FLRT2: variants seen among roughly 807,000 people sequenced by gnomAD.
FLRT2 encodes fibronectin leucine rich transmembrane protein 2, also known as leucine-rich repeat transmembrane protein FLRT2.
In FLRT2, 15 loss-of-function variants were observed where a neutral mutation model predicts 40.0. The ratio of observed to expected loss-of-function variants is 0.38; its 90% CI spans 0.25 to 0.58. The LOEUF (loss-of-function observed/expected upper bound fraction) is 0.58, where lower values mean the gene tolerates loss of function less well. Ranked by LOEUF, FLRT2 falls within the 20% of genes least tolerant of loss-of-function variation. The pLI, the probability that FLRT2 is intolerant of heterozygous loss-of-function variation, is 0.71. For missense variants in FLRT2, 726 were observed against 840.0 expected (o/e 0.86, Z 1.68); for synonymous variants, 380 against 336.8 (o/e 1.13, Z -1.41).
At chr14:85,548,009 T>C (rs1183412318) in intron 1 of FLRT2, among the ~76,000 whole-genome samples, 1 of 152,218 alleles carries the variant, frequency 6.6e-6, no homozygotes, top group Non-Finnish European at 1.5e-5. Context: ...GAGTGGTGAC[T>C]GAATAGAATG....
rs1375244464 is a variant in FLRT2 at position 85,622,097 on chromosome 14, A to T, written c.583A>T (p.Ile195Leu). The change falls in exon 2 of 2, where the codon ATA (isoleucine) becomes TTA (leucine). Residue 195 changes from isoleucine to leucine, a missense_variant. Transcript: ENST00000330753. Reference protein sequence around the residue: ...LRVDENRIAVISDMAFQNLTS... With the variant: ...LRVDENRIAVLSDMAFQNLTS... ...AGTGGATGAAAATCGAATTGCTGTC[A>T]TATCCGACATGGCCTTCCAGAATCT... The T allele has an allele frequency of 6.2e-7, 1 of 1,614,132 alleles. No homozygotes were observed. Among genetic ancestry groups the T allele is most frequent in the East Asian group, 2.2e-5 (1 of 44,874 alleles).
Position 85,628,182 on chromosome 14 carries a change from A to G in FLRT2, c.*4685A>G, listed in dbSNP as rs1316851069. 2 of 152,232 alleles carry G rather than the reference A, an allele frequency of 1.3e-5. No homozygotes were observed. Among genetic ancestry groups the G allele is most frequent in the Non-Finnish European group, 2.9e-5 (2 of 68,046 alleles). 9.4% of individuals were successfully genotyped at this position (152,232 alleles called of 1,614,324 possible). ...ATACCTTTTAGGTATGCACACATAC[A>G]CAGAGCATCTTATTTTATACTGGTG... On this transcript the variant is annotated 3_prime_UTR_variant, in exon 2 of 2. Coordinates refer to ENST00000330753, the MANE Select transcript of FLRT2 (RefSeq NM_013231.6).
intron 1 of FLRT2, among the ~76,000 whole-genome samples, chr14:85,535,906 TTTTTTTTTTTTTTTTGTTG>T (rs1411994087): frequency 5.1e-5 from 4 of 78,190 alleles, no homozygotes; most frequent in African/African-American, 2.4e-4. Context: ...TTTTTTTTTT[TTTTTTTTTTTTTTTTGTTG>T]TTGTTGTTGT....
In FLRT2 at chr14:85,643,824, A is replaced by C. The variant is rs1894226268; in HGVS notation, c.*20327A>C. The C allele has an allele frequency of 6.6e-6, 1 of 152,236 alleles. No homozygotes were observed. The highest frequency in any genetic ancestry group is 2.4e-5 in the African/African-American group (1 of 41,454). The allele number at this position is 152,236 out of a possible 1,614,324, so 9.4% of individuals were successfully genotyped here. On this transcript the variant is annotated 3_prime_UTR_variant, in exon 2 of 2. Transcript: ENST00000330753. ...GTGGGGTTGGTGGAATCCTGGAGTG[A>C]CAGAGAACAAACGACAACATTTAGT...
chr14:85,586,314 A>G (rs1462260805), intron 1 of FLRT2, among the ~76,000 whole-genome samples: 1 of 152,074 alleles, frequency 6.6e-6, no homozygotes, highest in Non-Finnish European at 1.5e-5. Flanking sequence ...TCAGGCTTCA[A>G]TCCCAGAGCA....
At position 85,539,176 on chromosome 14, in the gene FLRT2, A is replaced by G. The variant is rs527510456; in HGVS notation, c.-377+8642A>G. ...TCCAGGATTTCATTTATTTCTCACA[A>G]CTGCCTCTGAATTTATACAGGAAAG... On this transcript the variant is annotated intron_variant, in intron 1 of 1. Coordinates refer to ENST00000330753, the MANE Select transcript of FLRT2 (RefSeq NM_013231.6). 2.6e-5 allele frequency among the ~76,000 whole-genome samples: 4 copies of G among 151,850 alleles called. No individual in the cohort carries two copies. In the South Asian group the frequency reaches 6.3e-4, roughly 24 times the overall value.
chr14:85,549,417 C>T (rs1889480089), intron 1 of FLRT2, among the ~76,000 whole-genome samples: 1 of 152,312 alleles, frequency 6.6e-6, no homozygotes, highest in African/African-American at 2.4e-5. Flanking sequence ...GTGTGCTACC[C>T]TGCCCATGAG....
intron 1 of FLRT2, among the ~76,000 whole-genome samples, chr14:85,570,556 A>ATTTAT (rs1555367325): frequency 2.3e-5 from 3 of 132,958 alleles, no homozygotes; most frequent in African/African-American, 8.4e-5. Context: ...CCTTATTTTT[A>ATTTAT]TTTATTTTAT....
Position 85,640,007 on chromosome 14 carries a change from C to T in FLRT2, c.*16510C>T, listed in dbSNP as rs1275180052. The T allele has an allele frequency of 6.6e-6, 1 of 152,084 alleles. No individual in the cohort carries two copies. Among genetic ancestry groups the T allele is most frequent in the Non-Finnish European group, 1.5e-5 (1 of 68,064 alleles). 9.4% of individuals were successfully genotyped at this position (152,084 alleles called of 1,614,324 possible). ...GGGACTACAGGCTCCTGCCACCACGCCTGGCTAATATTTTGTATTTTTAGT... is the reference window on the plus strand; with the variant it reads ...GGGACTACAGGCTCCTGCCACCACGTCTGGCTAATATTTTGTATTTTTAGT... On this transcript the variant is annotated 3_prime_UTR_variant, in exon 2 of 2. Coordinates refer to ENST00000330753, the MANE Select transcript of FLRT2 (RefSeq NM_013231.6).
intron 1 of FLRT2, among the ~76,000 whole-genome samples, chr14:85,559,092 T>C (rs900592914): frequency 1.3e-5 from 2 of 152,180 alleles, no homozygotes; most frequent in African/African-American, 4.8e-5. Context: ...ATCACTGTCA[T>C]AGCTCTTCAT....
chr14:85,619,575 A>G (rs1471380941), intron 1 of FLRT2, among the ~76,000 whole-genome samples: 1 of 152,188 alleles, frequency 6.6e-6, no homozygotes, highest in East Asian at 1.9e-4. Context: ...AACATCCTTG[A>G]CACTTAAATA....
At chr14:85,575,196 T>C (rs1178331795) in intron 1 of FLRT2, among the ~76,000 whole-genome samples, 1 of 152,140 alleles carries the variant, frequency 6.6e-6, no homozygotes, top group African/African-American at 2.4e-5. Flanking sequence ...GAGCCTGCAA[T>C]GGGGGTTGTG....
At chr14:85,614,923 C>T (rs1421870757) in intron 1 of FLRT2, among the ~76,000 whole-genome samples, 7 of 152,168 alleles carry the variant, frequency 4.6e-5, no homozygotes, top group Non-Finnish European at 7.3e-5. Context: ...TAGACATTCA[C>T]TGTAGAAGAT....
intron 1 of FLRT2, among the ~76,000 whole-genome samples, chr14:85,540,765 A>G (rs565065678): frequency 6.6e-6 from 1 of 152,218 alleles, no homozygotes; most frequent in Non-Finnish European, 1.5e-5. Flanking sequence ...TACATTGTAA[A>G]GTATGTGGCC....
intron 1 of FLRT2, among the ~76,000 whole-genome samples, chr14:85,573,525 T>C (rs758525682): frequency 6.6e-6 from 1 of 152,154 alleles, no homozygotes; most frequent in South Asian, 2.1e-4. Context: ...CCAGTTGCTT[T>C]GTAATGAAGG....
In FLRT2 at chr14:85,651,846, A is replaced by T. The variant is rs1444273288; in HGVS notation, c.*28349A>T. On this transcript the variant is annotated 3_prime_UTR_variant, in exon 2 of 2. Transcript: ENST00000330753. ...CTGAAAATCTCAGCATGCATATTTG[A>T]CTTAAATTCTAAAATTAATAAACAC... The T allele has an allele frequency of 6.6e-6, 1 of 152,034 alleles. No individual in the cohort carries two copies. Among genetic ancestry groups the T allele is most frequent in the Non-Finnish European group, 1.5e-5 (1 of 67,968 alleles). The allele number at this position is 152,034 out of a possible 1,614,324, so 9.4% of individuals were successfully genotyped here. A position where few individuals can be genotyped will look rare whatever the true frequency, so the allele number is the denominator to read the frequency against.
chr14:85,530,675 T>G (rs1402680799), intron 1 of FLRT2, 141 bp downstream of exon 1: 1 of 152,250 alleles, frequency 6.6e-6, no homozygotes, highest in Non-Finnish European at 1.5e-5. Context: ...GCTCTAGGCT[T>G]TGTCTTTCAC....
chr14:85,547,824 A>G (rs1329915270), intron 1 of FLRT2, among the ~76,000 whole-genome samples: 4 of 152,206 alleles, frequency 2.6e-5, no homozygotes, highest in Non-Finnish European at 5.9e-5. Context: ...GACATAAGAC[A>G]TCAGTCAATA....
chr14:85,648,745 T>C lies in FLRT2; in HGVS notation c.*25248T>C, dbSNP rs1894365587. ...TACTGTCTGCCACCCTAACTGCCCA[T>C]AGGACTCCACCAAGGATGCCAACTC... On this transcript the variant is annotated 3_prime_UTR_variant, in exon 2 of 2. Transcript: ENST00000330753. 1 of 152,150 alleles carries C rather than the reference T, an allele frequency of 6.6e-6. No homozygotes were observed. The highest frequency in any genetic ancestry group is 2.1e-4 in the South Asian group (1 of 4,824). 9.4% of individuals were successfully genotyped at this position (152,150 alleles called of 1,614,324 possible). A position where few individuals can be genotyped will look rare whatever the true frequency, so the allele number is the denominator to read the frequency against.
Sources: allele counts gnomAD v4.1 joint callset (sites outside exome capture counted in the v4.1 genomes callset), GRCh38; gene constraint gnomAD v4.1.1; transcripts MANE v1.5; gene names NCBI Gene and HGNC (gene_info 2026-07-23, HGNC 2026-07-21).